The following SCN10A variants were observed in gnomAD, a reference collection of about 807,000 sequenced individuals.
The protein encoded by SCN10A is sodium voltage-gated channel alpha subunit 10.
A neutral mutation model predicts 170.7 loss-of-function variants in SCN10A; 162 were observed. The observed-to-expected ratio is 0.95, with a 90% CI of 0.84 to 1.08. SCN10A has a LOEUF of 1.08. Among genes scored for constraint, SCN10A ranks in the 50% least tolerant of loss-of-function variants. The probability of loss-of-function intolerance (pLI) is 0.00; values close to 1 mark genes in which losing one functional copy is unlikely to be tolerated. For missense variants in SCN10A, 2,527 were observed against 2,436.9 expected (o/e 1.04, Z -0.78); for synonymous variants, 985 against 904.6 (o/e 1.09, Z -1.59).
chr3:38,811,247 G>A (rs1431380411), intron 1 of SCN10A, among the ~76,000 whole-genome samples: 7 of 152,134 alleles, frequency 4.6e-5, no homozygotes, highest in Admixed American at 1.3e-4. Flanking sequence ...GAGGTCAGAA[G>A]TTCAAGACCA....
At position 38,781,470 on chromosome 3, in the gene SCN10A, C is replaced by T. The variant is rs572446618; in HGVS notation, c.470+7486G>A. On this transcript the variant is annotated intron_variant, in intron 4 of 27. Coordinates refer to ENST00000449082, the MANE Select transcript of SCN10A (RefSeq NM_006514.4). ...AACCGACTGCATGTCACACAACCAA[C>T]AGTTACTTCAAAAGTTGAATGAATT... Among the ~76,000 whole-genome samples, 47 of 152,298 alleles carry T rather than the reference C, an allele frequency of 3.1e-4. No individual in the cohort carries two copies. The South Asian group carries it at 5.8e-3, about 19-fold the overall frequency.
rs1330929639 is a variant in SCN10A, at chr3:38,763,557, G to A, written c.639C>T (p.Gly213=). 1 of 1,614,082 alleles carries A rather than the reference G, an allele frequency of 6.2e-7. No individual in the cohort carries two copies. Among genetic ancestry groups the A allele is most frequent in the Non-Finnish European group, 8.5e-7 (1 of 1,179,958 alleles). ...GTAIDLRGIS[G]LRTFRVLRAL... ...CTCTAAGAACTCTGAATGTCCGCAGGCCTGAGATCCCACGGAGATCTATTG... is the reference window on the plus strand; with the variant it reads ...CTCTAAGAACTCTGAATGTCCGCAGACCTGAGATCCCACGGAGATCTATTG... Residue 213 remains glycine, a synonymous_variant, in exon 6 of 28, where the codon GGC becomes GGT. Coordinates refer to ENST00000449082, the MANE Select transcript of SCN10A (RefSeq NM_006514.4).
At chr3:38,746,488 A>C (rs1330066692) in intron 13 of SCN10A, among the ~76,000 whole-genome samples, 3 of 151,940 alleles carry the variant, frequency 2.0e-5, no homozygotes, top group African/African-American at 7.3e-5. Flanking sequence ...TATATCTACA[A>C]GTATCCAGAG....
Position 38,752,241 on chromosome 3 carries a change from G to T in SCN10A, c.1733C>A (p.Ala578Asp), listed in dbSNP as rs535115766. The change falls in exon 12 of 28, where the codon GCC becomes GAC. Residue 578 changes from alanine (A) to aspartate (D), a missense_variant. Physicochemically the swap from Ala to Asp is moderately radical, Grantham distance 126. Coordinates refer to ENST00000449082, the MANE Select transcript of SCN10A (RefSeq NM_006514.4). ...EHQPPPTSEL[A>D]PGAVDVSAFD... ...CACCGAGACATCGACAGCTCCAGGGGCAAGCTCACTAGTGGGCGGCGGTTG... is the reference window on the plus strand; with the variant it reads ...CACCGAGACATCGACAGCTCCAGGGTCAAGCTCACTAGTGGGCGGCGGTTG... 2 of 1,544,208 alleles carry T rather than the reference G, an allele frequency of 1.3e-6. No homozygotes were observed. Among genetic ancestry groups the T allele is most frequent in the Non-Finnish European group, 1.7e-6 (2 of 1,144,600 alleles).
At chr3:38,705,847 T>G (rs912501376) in intron 26 of SCN10A, among the ~76,000 whole-genome samples, 12 of 152,186 alleles carry the variant, frequency 7.9e-5, no homozygotes, top group African/African-American at 2.9e-4. Context: ...CTCAGCTGCT[T>G]GCTTCTCAGT....
chr3:38,754,459 A>G (rs969295573), intron 11 of SCN10A, among the ~76,000 whole-genome samples: 4 of 151,086 alleles, frequency 2.6e-5, no homozygotes, highest in African/African-American at 9.9e-5. Context: ...TTTCCCTTTG[A>G]AAGTAAGCAT....
chr3:38,811,193 C>T (rs927753082), intron 1 of SCN10A, among the ~76,000 whole-genome samples: 1 of 152,154 alleles, frequency 6.6e-6, no homozygotes, highest in African/African-American at 2.4e-5. Context: ...TGGCTCACGC[C>T]TGTAATCCCA....
chr3:38,783,593 A>C (rs2064164138), intron 4 of SCN10A, among the ~76,000 whole-genome samples: 1 of 152,080 alleles, frequency 6.6e-6, no homozygotes, highest in African/African-American at 2.4e-5. Context: ...AGAAATAGTT[A>C]ATGTACTCAA....
chr3:38,707,250 C>T, intron 26 of SCN10A, 29 bp downstream of exon 26: 3 of 1,608,332 alleles, frequency 1.9e-6, no homozygotes, highest in African/African-American at 1.3e-5. Flanking sequence ...CACAGACAGG[C>T]TGTGCTAGAG....
chr3:38,765,497 C>T (rs886549260), intron 5 of SCN10A, among the ~76,000 whole-genome samples: 7 of 152,050 alleles, frequency 4.6e-5, no homozygotes, highest in Admixed American at 4.6e-4. Flanking sequence ...TTTTTGTTTG[C>T]TTTTTCAAAG....
rs373851282 is a variant in SCN10A, at chr3:38,737,832, C to CTTTT, written c.2280+1682_2280+1683insAAAA. 5.2e-3 allele frequency among the ~76,000 whole-genome samples: 367 copies of CTTTT among 70,226 alleles called. 6 individuals are homozygous for CTTTT. The highest frequency in any genetic ancestry group is 0.017 in the African/African-American group (337 of 20,392). The allele number at this position is 70,226 out of a possible 152,430, so 46.1% of individuals were successfully genotyped here. On this transcript the variant is annotated intron_variant, in intron 15 of 27. Coordinates refer to ENST00000449082, the MANE Select transcript of SCN10A (RefSeq NM_006514.4). Reference sequence around the variant, plus strand: ...TCTTTCTTTCTTTCTTTCTTTCTTTCTCTTTCTTCTTTCTTTCTTTCTCTT... The same window carrying CTTTT: ...TCTTTCTTTCTTTCTTTCTTTCTTTCTTTTTCTTTCTTCTTTCTTTCTTTCTCTT...
At chr3:38,743,340 G>A (rs72866270) in intron 13 of SCN10A, among the ~76,000 whole-genome samples, 13,888 of 152,158 alleles carry the variant, frequency 0.091, 1,115 homozygotes, top group African/African-American at 0.2. Context: ...CCTATTCAAG[G>A]CCTGCATCAT....
chr3:38,723,744 G>A (rs1427007151), intron 18 of SCN10A, among the ~76,000 whole-genome samples, 191 bp from the exon 19 acceptor site: 2 of 152,360 alleles, frequency 1.3e-5, no homozygotes, highest in Admixed American at 6.5e-5. Flanking sequence ...CCCTGATGGA[G>A]TGCTGGCAAT....
rs1484820038 is a variant in SCN10A at position 38,707,440 on chromosome 3, A to T, written c.4282-57T>A. The T allele has an allele frequency of 1.4e-5, 21 of 1,550,998 alleles. No homozygotes were observed. In the South Asian group the frequency reaches 2.3e-4, roughly 17 times the overall value. On this transcript the variant is annotated intron_variant, in intron 25 of 27. Coordinates refer to ENST00000449082, the MANE Select transcript of SCN10A (RefSeq NM_006514.4). ...AGAGGAACCCCCTACGGATACCAAA[A>T]TCAGAACAGGCAGGAGAGAAAGGAT...
chr3:38,801,873 C>T (rs1455552675), intron 1 of SCN10A, among the ~76,000 whole-genome samples: 1 of 152,150 alleles, frequency 6.6e-6, no homozygotes, highest in African/African-American at 2.4e-5. Flanking sequence ...TTAGCATTTT[C>T]ATGTAGGTGA....
chr3:38,798,026 C>A (rs2064350317), intron 1 of SCN10A, among the ~76,000 whole-genome samples: 1 of 152,136 alleles, frequency 6.6e-6, no homozygotes, highest in South Asian at 2.1e-4. Flanking sequence ...CTTGGGATCC[C>A]TTGATTGAAG....
chr3:38,769,562 T>A (rs1044364807), intron 5 of SCN10A, among the ~76,000 whole-genome samples: 1 of 152,174 alleles, frequency 6.6e-6, no homozygotes, highest in Non-Finnish European at 1.5e-5. Flanking sequence ...ATCTGGCAAT[T>A]CAGAGATTTC....
chr3:38,698,121 A>G lies in SCN10A; in HGVS notation c.5099T>C (p.Ile1700Thr), dbSNP rs2125979828. 1.9e-6 allele frequency: 3 copies of G among 1,614,154 alleles called. No homozygotes were observed. The Middle Eastern group carries it at 4.9e-4, about 266-fold the overall frequency. The change falls in exon 28 of 28, where the codon ATC (isoleucine) becomes ACC (threonine). Residue 1700 changes from isoleucine (I) to threonine (T), a missense_variant. Coordinates refer to ENST00000449082, the MANE Select transcript of SCN10A (RefSeq NM_006514.4). Reference sequence around the variant, plus strand: ...GATGATGATGTAGGTGGTGAAGAAGATGATGCCTACGGCTGGGCTCCCACA... The same window carrying G: ...GATGATGATGTAGGTGGTGAAGAAGGTGATGCCTACGGCTGGGCTCCCACA... ...GDCGSPAVGIIFFTTYIIISF... is the reference protein window; with the variant it reads ...GDCGSPAVGITFFTTYIIISF...
intron 13 of SCN10A, among the ~76,000 whole-genome samples, chr3:38,746,069 A>ATATATGTGTGTGTG (rs1559439494): frequency 1.2e-5 from 1 of 85,408 alleles, no homozygotes; most frequent in Non-Finnish European, 2.4e-5. Flanking sequence ...ATGTGTATAT[A>ATATATGTGTGTGTG]TATATATATA....
Sources: allele counts gnomAD v4.1 joint callset (sites outside exome capture counted in the v4.1 genomes callset), GRCh38; gene constraint gnomAD v4.1.1; transcripts MANE v1.5; gene names NCBI Gene and HGNC (gene_info 2026-07-23, HGNC 2026-07-21).